The following LHFPL3 variants were observed in gnomAD, a reference collection of about 807,000 sequenced individuals.
LHFPL3 encodes the protein LHFPL tetraspan subfamily member 3 protein.
A neutral mutation model predicts 19.3 loss-of-function variants in LHFPL3; 5 were observed. That is an observed-to-expected ratio of 0.26 (90% CI 0.14 to 0.54). The LOEUF (loss-of-function observed/expected upper bound fraction) is 0.54. LHFPL3 is among the 20% of genes least tolerant of loss of function. LHFPL3 has a pLI of 0.94. For missense variants in LHFPL3, 249 were observed against 307.4 expected (o/e 0.81, Z 1.42); for synonymous variants, 133 against 126.2 (o/e 1.05, Z -0.36).
intron 2 of LHFPL3, among the ~76,000 whole-genome samples, chr7:104,748,297 G>T (rs931552353): frequency 6.6e-6 from 1 of 151,632 alleles, no homozygotes; most frequent in Non-Finnish European, 1.5e-5. Context: ...ATATAGCCTC[G>T]TGGGAAGGGA....
At chr7:104,701,869 T>TAA (rs11371490) in intron 1 of LHFPL3, among the ~76,000 whole-genome samples, 9 of 151,802 alleles carry the variant, frequency 5.9e-5, no homozygotes, top group Admixed American at 1.3e-4. Flanking sequence ...GATTCTTTTT[T>TAA]AAAAAAATTT....
chr7:104,825,237 G>T (rs1442578332), intron 2 of LHFPL3, among the ~76,000 whole-genome samples: 4 of 151,802 alleles, frequency 2.6e-5, no homozygotes, highest in Non-Finnish European at 1.5e-5. Flanking sequence ...ACTCAAGATG[G>T]CATGAGTCAA....
chr7:104,485,117 T>C (rs2115671840), intron 1 of LHFPL3, among the ~76,000 whole-genome samples: 1 of 152,274 alleles, frequency 6.6e-6, no homozygotes, highest in East Asian at 1.9e-4. Flanking sequence ...TTCATATAAC[T>C]TGAACTTTAT....
intron 2 of LHFPL3, among the ~76,000 whole-genome samples, chr7:104,818,906 C>G (rs954050469): frequency 6.6e-6 from 1 of 151,912 alleles, no homozygotes; most frequent in Non-Finnish European, 1.5e-5. Context: ...CTTTTTTAAT[C>G]TCTGGTAGTG....
intron 1 of LHFPL3, among the ~76,000 whole-genome samples, chr7:104,706,245 G>A (rs1311387480): frequency 6.6e-6 from 1 of 152,016 alleles, no homozygotes; most frequent in Admixed American, 6.5e-5. Flanking sequence ...CTTACTGTCA[G>A]CACAAAAATT....
intron 1 of LHFPL3, among the ~76,000 whole-genome samples, chr7:104,387,791 G>T (rs1242107457): frequency 1.3e-5 from 2 of 152,128 alleles, no homozygotes; most frequent in Admixed American, 6.6e-5. Context: ...AAGACAAAGA[G>T]AAATTTTTTT....
chr7:104,495,617 T>C (rs1337303611), intron 1 of LHFPL3, among the ~76,000 whole-genome samples: 3 of 152,180 alleles, frequency 2.0e-5, no homozygotes, highest in Admixed American at 6.5e-5. Flanking sequence ...TCTCCTGACC[T>C]CATGATCTGC....
At chr7:104,611,878 T>C (rs996402429) in intron 1 of LHFPL3, among the ~76,000 whole-genome samples, 1 of 152,198 alleles carries the variant, frequency 6.6e-6, no homozygotes, top group Non-Finnish European at 1.5e-5. Flanking sequence ...TAATAGATGA[T>C]GCAGTCCTGT....
chr7:104,630,973 G>C (rs1440049130), intron 1 of LHFPL3, among the ~76,000 whole-genome samples: 2 of 152,144 alleles, frequency 1.3e-5, no homozygotes, highest in Non-Finnish European at 2.9e-5. Flanking sequence ...GAGTGGCAGA[G>C]AAGTCATTGT....
chr7:104,726,409 T>C (rs907499682), intron 1 of LHFPL3, among the ~76,000 whole-genome samples: 14 of 152,068 alleles, frequency 9.2e-5, no homozygotes, highest in African/African-American at 3.1e-4. Context: ...ACCATGGTGA[T>C]TTGCTGCACC....
chr7:104,835,375 A>G (rs1448117869), intron 2 of LHFPL3, among the ~76,000 whole-genome samples: 1 of 151,940 alleles, frequency 6.6e-6, no homozygotes, highest in Non-Finnish European at 1.5e-5. Flanking sequence ...TAGGCAGGTA[A>G]TGTCCAGAGC....
intron 1 of LHFPL3, among the ~76,000 whole-genome samples, chr7:104,360,058 C>T (rs1336581898): frequency 1.3e-5 from 2 of 152,234 alleles, no homozygotes; most frequent in Non-Finnish European, 2.9e-5. Flanking sequence ...CAAATCCTGA[C>T]ACTTTCCGTT....
At chr7:104,541,359 C>T (rs1794483788) in intron 1 of LHFPL3, among the ~76,000 whole-genome samples, 1 of 152,124 alleles carries the variant, frequency 6.6e-6, no homozygotes, top group Admixed American at 6.5e-5. Flanking sequence ...CAGTCTACAT[C>T]CTCAGCGCTA....
intron 1 of LHFPL3, among the ~76,000 whole-genome samples, chr7:104,391,711 A>T (rs182165427): frequency 6.6e-6 from 1 of 152,080 alleles, no homozygotes; most frequent in Admixed American, 6.5e-5. Flanking sequence ...GTTTTTTCCA[A>T]TTCTGTGAAG....
intron 1 of LHFPL3, among the ~76,000 whole-genome samples, chr7:104,526,479 A>G (rs1261431160): frequency 6.6e-6 from 1 of 152,250 alleles, no homozygotes; most frequent in Non-Finnish European, 1.5e-5. Context: ...TTCATTAGCT[A>G]CTTACATGAC....
chr7:104,674,953 T>C (rs1010013755), intron 1 of LHFPL3, among the ~76,000 whole-genome samples: 3 of 152,230 alleles, frequency 2.0e-5, no homozygotes, highest in African/African-American at 7.2e-5. Context: ...CATTCAACTA[T>C]GCTGTAGGGT....
intron 1 of LHFPL3, among the ~76,000 whole-genome samples, chr7:104,613,388 A>G (rs1446924590): frequency 6.6e-6 from 1 of 152,216 alleles, no homozygotes; most frequent in Admixed American, 6.5e-5. Flanking sequence ...CTTAAATCCT[A>G]GAATTCCTTT....
At chr7:104,574,671 G>T (rs1299607982) in intron 1 of LHFPL3, among the ~76,000 whole-genome samples, 1 of 152,108 alleles carries the variant, frequency 6.6e-6, no homozygotes, top group Admixed American at 6.5e-5. Context: ...ATACATTTTT[G>T]ATAAATAGAA....
chr7:104,699,647 TG>T (rs1793063861), intron 1 of LHFPL3, among the ~76,000 whole-genome samples: 1 of 152,184 alleles, frequency 6.6e-6, no homozygotes, highest in African/African-American at 2.4e-5. Flanking sequence ...ACACTGTGAA[TG>T]TACTTAATGC....
Sources: allele counts gnomAD v4.1 joint callset (sites outside exome capture counted in the v4.1 genomes callset), GRCh38; gene constraint gnomAD v4.1.1; transcripts MANE v1.5; gene names NCBI Gene and HGNC (gene_info 2026-07-23, HGNC 2026-07-21).